The following CPLX1 variants were observed in gnomAD, a reference collection of about 807,000 sequenced individuals.
CPLX1 encodes the protein complexin 1, also known as complexin-1.
CPLX1 carries 6 observed loss-of-function variants against 15.6 expected under a neutral mutation model. The observed-to-expected ratio is 0.39, with a 90% CI of 0.21 to 0.76. The LOEUF is 0.76. CPLX1 is among the 30% of genes least tolerant of loss of function. The pLI, the probability that CPLX1 is intolerant of heterozygous loss-of-function variation, is 0.43. For synonymous variants in CPLX1, 91 were observed against 75.2 expected (o/e 1.21, Z -1.08); for missense variants, 242 against 188.6 (o/e 1.28, Z -1.66).
intron 2 of CPLX1, among the ~76,000 whole-genome samples, chr4:812,766 T>G (rs1292457839): frequency 6.6e-6 from 1 of 151,782 alleles, no homozygotes; most frequent in African/African-American, 2.4e-5. Flanking sequence ...TAACGCTGGG[T>G]GTCCTAACAC....
At chr4:804,333 C>G (rs1398562813) in intron 2 of CPLX1, among the ~76,000 whole-genome samples, 1 of 152,196 alleles carries the variant, frequency 6.6e-6, no homozygotes, top group Admixed American at 6.5e-5. Context: ...GGCAGCATGG[C>G]TAAATACAAT....
chr4:792,579 C>T lies in CPLX1; in HGVS notation c.61G>A (p.Gly21Arg), dbSNP rs569648725. The T allele has an allele frequency of 1.2e-6, 2 of 1,613,202 alleles. No homozygotes were observed. The highest frequency in any genetic ancestry group is 2.7e-5 in the African/African-American group (2 of 75,016). The change falls in exon 3 of 4, where the codon GGG becomes AGG. Residue 21 changes from glycine (G) to arginine (R), a missense_variant. By Grantham distance (125) the Gly-to-Arg change is moderately radical. Coordinates refer to ENST00000304062, the MANE Select transcript of CPLX1 (RefSeq NM_006651.4). ...TCTGGGTCCTTCTCCTCGTCACCCC[C>T]CAGCATCTTCCCCATGTCCTTGGTG... is the stretch of plus-strand genomic sequence containing the variant. ...GATKDMGKML[G>R]GDEEKDPDAA...
intron 2 of CPLX1, among the ~76,000 whole-genome samples, chr4:810,887 G>C (rs534696730): frequency 8.6e-5 from 13 of 151,878 alleles, no homozygotes; most frequent in Admixed American, 7.9e-4. Context: ...AGTAGAGGCA[G>C]GTTTTCACCA....
chr4:822,210 A>C (rs555845870), intron 2 of CPLX1, among the ~76,000 whole-genome samples: 46 of 126,660 alleles, frequency 3.6e-4, no homozygotes, highest in African/African-American at 1.0e-3. Flanking sequence ...CTCCATCTCT[A>C]TCTCTCTAAC....
chr4:794,125 T>A (rs1239072962), intron 2 of CPLX1, among the ~76,000 whole-genome samples: 2 of 152,226 alleles, frequency 1.3e-5, no homozygotes, highest in African/African-American at 4.8e-5. Flanking sequence ...GAGCTCCCTG[T>A]CGAGGGTGGG....
intron 3 of CPLX1, among the ~76,000 whole-genome samples, chr4:788,764 CT>C (rs1314414071): frequency 1.3e-5 from 2 of 150,270 alleles, no homozygotes; most frequent in African/African-American, 4.9e-5. Flanking sequence ...GCCAGAGAGC[CT>C]CCCTCCAGCC....
At chr4:811,337 G>C (rs1746662103) in intron 2 of CPLX1, among the ~76,000 whole-genome samples, 1 of 151,922 alleles carries the variant, frequency 6.6e-6, no homozygotes, top group Non-Finnish European at 1.5e-5. Context: ...ATAGAGATGG[G>C]ATCTTGCTCT....
Position 786,260 on chromosome 4 carries a change from G to A in CPLX1, c.*241C>T. 5.2e-6 allele frequency: 2 copies of A among 381,792 alleles called. No individual in the cohort carries two copies. The highest frequency in any genetic ancestry group is 9.3e-6 in the Non-Finnish European group (2 of 215,324). The allele number at this position is 381,792 out of a possible 1,614,324, so 23.7% of individuals were successfully genotyped here. On this transcript the variant is annotated 3_prime_UTR_variant, in exon 4 of 4. Coordinates refer to ENST00000304062, the MANE Select transcript of CPLX1 (RefSeq NM_006651.4). ...TGGGCGGTAAACAGCAAGAGAAAGG[G>A]GCGTCCCAGGCGATGGGGCTCCAGC...
At chr4:797,079 C>G (rs888675456) in intron 2 of CPLX1, among the ~76,000 whole-genome samples, 17 of 152,194 alleles carry the variant, frequency 1.1e-4, no homozygotes, top group Admixed American at 9.8e-4. Flanking sequence ...GACCCCTGCA[C>G]AACACACAGA....
At chr4:795,622 C>G (rs1176639603) in intron 2 of CPLX1, among the ~76,000 whole-genome samples, 1 of 152,192 alleles carries the variant, frequency 6.6e-6, no homozygotes, top group African/African-American at 2.4e-5. Context: ...TGAGCCTCAG[C>G]TTCCCCCCGT....
In CPLX1 at chr4:822,178, C is replaced by G. The variant is rs1270671828; in HGVS notation, c.31+2314G>C. ...TCTGATTCTCCGTCTCTCCCCATCT[C>G]TGTCTCTCCCTCTGTCTCTGTCTCC... On this transcript the variant is annotated intron_variant, in intron 2 of 3. Transcript: ENST00000304062. 4.6e-5 allele frequency among the ~76,000 whole-genome samples: 7 copies of G among 151,510 alleles called. 1 individual carries two copies. Among genetic ancestry groups the G allele is most frequent in the Admixed American group, 3.9e-4 (6 of 15,222 alleles).
intron 3 of CPLX1, chr4:787,988 C>CG: frequency 1.0e-6 from 1 of 985,402 alleles, no homozygotes. Flanking sequence ...TCTGAGATTA[C>CG]AGGTGCTCTG....
intron 2 of CPLX1, among the ~76,000 whole-genome samples, chr4:805,624 GC>G (rs1371100245): frequency 6.6e-6 from 1 of 152,204 alleles, no homozygotes; most frequent in Non-Finnish European, 1.5e-5. Flanking sequence ...AGAACTGAAA[GC>G]AGAGTCTCTC....
chr4:825,026 C>T (rs771541034), intron 1 of CPLX1, among the ~76,000 whole-genome samples: 1 of 152,208 alleles, frequency 6.6e-6, no homozygotes, highest in Admixed American at 6.5e-5. Context: ...AGCGGGTACC[C>T]TTCAGGGCGG....
At chr4:790,630 C>A (rs539883606) in intron 3 of CPLX1, among the ~76,000 whole-genome samples, 1 of 152,150 alleles carries the variant, frequency 6.6e-6, no homozygotes, top group Non-Finnish European at 1.5e-5. Context: ...GAACAGCCAG[C>A]GTCCCTCTAG....
chr4:795,199 G>A (rs1182914667), intron 2 of CPLX1, among the ~76,000 whole-genome samples: 2 of 152,380 alleles, frequency 1.3e-5, no homozygotes, highest in South Asian at 2.1e-4. Flanking sequence ...GGAATTGGGC[G>A]CAGCCAGGAG....
At chr4:795,295 G>C (rs1003868675) in intron 2 of CPLX1, among the ~76,000 whole-genome samples, 3 of 152,256 alleles carry the variant, frequency 2.0e-5, no homozygotes, top group Admixed American at 6.5e-5. Context: ...GGAGCGGCGA[G>C]ACCGGCGCAG....
At chr4:790,977 CCTCT>C (rs927012972) in intron 3 of CPLX1, among the ~76,000 whole-genome samples, 27 of 91,984 alleles carry the variant, frequency 2.9e-4, no homozygotes, top group Admixed American at 1.3e-3. Flanking sequence ...TCTGTCTCTC[CCTCT>C]GTCTTCTCTC....
intron 3 of CPLX1, among the ~76,000 whole-genome samples, chr4:791,451 G>A (rs1292070373): frequency 6.6e-6 from 1 of 152,050 alleles, no homozygotes; most frequent in Non-Finnish European, 1.5e-5. Flanking sequence ...CACCTGCCCC[G>A]CCCCTGCCCT....
Sources: gnomAD v4.1 joint callset for allele counts (sites outside exome capture counted in the v4.1 genomes callset) on GRCh38, gnomAD v4.1.1 for gene constraint, MANE v1.5 for transcripts, NCBI Gene and HGNC (gene_info 2026-07-23, HGNC 2026-07-21) for gene names.